Variants in FAM227B observed in about 807,000 individuals in gnomAD.
The protein encoded by FAM227B is family with sequence similarity 227 member B, also known as protein FAM227B.
Under a neutral mutation model 73.8 loss-of-function variants are expected in FAM227B, and 88 were observed. The observed-to-expected ratio is 1.19, with a 90% CI of 1.00 to 1.42. The LOEUF (loss-of-function observed/expected upper bound fraction) is 1.42. Among genes scored for constraint, FAM227B ranks in the 40% most tolerant of loss-of-function variants. FAM227B has a pLI of 0.00. For missense variants in FAM227B, 632 were observed against 590.9 expected (o/e 1.07, Z -0.72); for synonymous variants, 210 against 190.5 (o/e 1.10, Z -0.84).
chr15:49,440,218 G>A (rs919010655), intron 11 of FAM227B, among the ~76,000 whole-genome samples: 6 of 151,722 alleles, frequency 4.0e-5, no homozygotes, highest in African/African-American at 4.8e-5. Context: ...CATTATTACT[G>A]TGGTTTGTAA....
At chr15:49,609,656 G>A (rs2077757454) in intron 3 of FAM227B, among the ~76,000 whole-genome samples, 1 of 151,918 alleles carries the variant, frequency 6.6e-6, no homozygotes, top group Admixed American at 6.6e-5. Flanking sequence ...ATTCATGGCA[G>A]TCACTACTTT....
chr15:49,380,814 C>T (rs1289955311), intron 11 of FAM227B, among the ~76,000 whole-genome samples: 1 of 152,040 alleles, frequency 6.6e-6, no homozygotes, highest in Non-Finnish European at 1.5e-5. Flanking sequence ...CCCCTTGTGA[C>T]ACAGCTGTGG....
intron 10 of FAM227B, among the ~76,000 whole-genome samples, chr15:49,528,166 A>G (rs2060343834): frequency 6.6e-6 from 1 of 151,904 alleles, no homozygotes; most frequent in African/African-American, 2.4e-5. Context: ...AGATCAATGA[A>G]GCAAAATAGA....
At chr15:49,609,840 T>C (rs889653751) in intron 3 of FAM227B, among the ~76,000 whole-genome samples, 1 of 151,900 alleles carries the variant, frequency 6.6e-6, no homozygotes, top group Non-Finnish European at 1.5e-5. Context: ...TCAGAAAATA[T>C]GAAAAGATTT....
chr15:49,607,780 AT>A (rs199653807), intron 3 of FAM227B, among the ~76,000 whole-genome samples: 2,601 of 148,920 alleles, frequency 0.017, 34 homozygotes, highest in Middle Eastern at 0.038. Context: ...TGATTTTTAA[AT>A]TCTTTTAATT....
chr15:49,529,894 C>G (rs2060483527), intron 10 of FAM227B, among the ~76,000 whole-genome samples: 1 of 151,724 alleles, frequency 6.6e-6, no homozygotes, highest in South Asian at 2.1e-4. Context: ...TTTATTCACT[C>G]AGCATAATTC....
intron 11 of FAM227B, chr15:49,425,181 C>T (rs1381465918): frequency 6.6e-6 from 1 of 151,920 alleles, no homozygotes; most frequent in African/African-American, 2.4e-5. Context: ...GGCAGAAAAA[C>T]AGATCTCTCC....
chr15:49,482,445 A>C (rs2152018834), intron 11 of FAM227B, among the ~76,000 whole-genome samples: 1 of 152,244 alleles, frequency 6.6e-6, no homozygotes, highest in Admixed American at 6.5e-5. Context: ...CTTTTAATGT[A>C]TCAAAATACT....
intron 11 of FAM227B, chr15:49,422,996 G>T (rs1267119505): frequency 7.2e-6 from 2 of 277,396 alleles, no homozygotes; most frequent in African/African-American, 2.2e-5. Context: ...TGCAAAGAAG[G>T]TTTAAAAAAT....
chr15:49,367,504 AC>A lies in FAM227B; in HGVS notation c.1214del (p.Gly405ValfsTer30). On this transcript the variant is annotated frameshift_variant, in exon 13 of 16. Coordinates refer to ENST00000299338, the MANE Select transcript of FAM227B (RefSeq NM_152647.3). LOFTEE classifies it high-confidence loss of function. The part of the protein sequence containing the change: ...LYYLKMHELA[G>X]ISKAPKKTKI... ...TGGTTTTCTTAGGTGCTTTGGAAAT[AC>A]CAGCCAGCTCATGCATCTTAAGATA... 6.2e-7 allele frequency: 1 copy of A among 1,606,236 alleles called. No individual in the cohort carries two copies. The highest frequency in any genetic ancestry group is 8.5e-7 in the Non-Finnish European group (1 of 1,178,240).
chr15:49,384,268 C>T (rs944705025), intron 11 of FAM227B, among the ~76,000 whole-genome samples: 3 of 152,054 alleles, frequency 2.0e-5, no homozygotes, highest in African/African-American at 7.2e-5. Flanking sequence ...CTTGTATGAA[C>T]TCCTCAATTT....
Position 49,330,755 on chromosome 15 carries a change from A to T in FAM227B, c.1419+1025T>A, listed in dbSNP as rs551780162. Reference sequence around the variant, plus strand: ...AGGGAAGATAGACCAAAAAAAAAAAAAAAGAGAGAAAGAATGAATATTTTT... The same window carrying T: ...AGGGAAGATAGACCAAAAAAAAAAATAAAGAGAGAAAGAATGAATATTTTT... On this transcript the variant is annotated intron_variant, in intron 15 of 15. Transcript: ENST00000299338. The T allele has an allele frequency of 1.1e-4, 17 of 152,220 alleles. No homozygotes were observed. In the East Asian group the frequency reaches 3.3e-3, roughly 29 times the overall value. 9.4% of individuals were successfully genotyped at this position (152,220 alleles called of 1,614,324 possible).
At chr15:49,553,573 A>G (rs1299385538) in intron 9 of FAM227B, among the ~76,000 whole-genome samples, 1 of 152,158 alleles carries the variant, frequency 6.6e-6, no homozygotes, top group Non-Finnish European at 1.5e-5. Context: ...GCCAGAGACT[A>G]AAGAAAAAAA....
At chr15:49,412,487 A>C (rs1040651452) in intron 11 of FAM227B, among the ~76,000 whole-genome samples, 1 of 152,076 alleles carries the variant, frequency 6.6e-6, no homozygotes, top group Non-Finnish European at 1.5e-5. Context: ...CAAAATATCA[A>C]CACTGTTATT....
intron 13 of FAM227B, chr15:49,366,711 G>A: frequency 7.9e-7 from 1 of 1,264,140 alleles, no homozygotes; most frequent in South Asian, 1.2e-5. Flanking sequence ...GGGTGGGGTG[G>A]CGCGGCGCGG....
chr15:49,377,913 G>T (rs1184657181), intron 11 of FAM227B, among the ~76,000 whole-genome samples: 1 of 151,928 alleles, frequency 6.6e-6, no homozygotes, highest in Non-Finnish European at 1.5e-5. Context: ...TTTGTGGGGT[G>T]TTGCTCAAAA....
chr15:49,520,684 G>A (rs1597836034), intron 10 of FAM227B, among the ~76,000 whole-genome samples: 1 of 152,150 alleles, frequency 6.6e-6, no homozygotes, highest in Non-Finnish European at 1.5e-5. Context: ...CAGATCTTGT[G>A]AGACTTATTT....
At chr15:49,355,373 A>G (rs555046349) in intron 13 of FAM227B, among the ~76,000 whole-genome samples, 9 of 152,334 alleles carry the variant, frequency 5.9e-5, no homozygotes, top group Admixed American at 5.9e-4. Context: ...AACTAGAATA[A>G]CCAATACAGA....
At chr15:49,618,218 G>C (rs1224356156) in intron 1 of FAM227B, among the ~76,000 whole-genome samples, 1 of 152,172 alleles carries the variant, frequency 6.6e-6, no homozygotes. Flanking sequence ...TTCCAAGAAG[G>C]TATTAGAGAA....
Sources: allele counts gnomAD v4.1 joint callset (sites outside exome capture counted in the v4.1 genomes callset), GRCh38; gene constraint gnomAD v4.1.1; transcripts MANE v1.5; gene names NCBI Gene and HGNC (gene_info 2026-07-23, HGNC 2026-07-21).